GPA33: variants seen among roughly 807,000 people sequenced by gnomAD.
GPA33 encodes the protein glycoprotein A33.
GPA33 carries 27 observed loss-of-function variants against 35.6 expected under a neutral mutation model. The ratio of observed to expected loss-of-function variants is 0.76; its 90% CI spans 0.56 to 1.04. The LOEUF (loss-of-function observed/expected upper bound fraction) is 1.04. Ranked by LOEUF, GPA33 falls within the 50% of genes least tolerant of loss-of-function variation. GPA33 has a pLI of 0.00. For synonymous variants in GPA33, 176 were observed against 164.0 expected, an observed-to-expected ratio of 1.07 and a Z score of -0.56; for missense variants, 428 against 411.9, an observed-to-expected ratio of 1.04 and a Z score of -0.34.
chr1:167,080,052 A>G (rs1489339478), intron 1 of GPA33, among the ~76,000 whole-genome samples: 2 of 152,108 alleles, frequency 1.3e-5, no homozygotes, highest in Non-Finnish European at 2.9e-5. Flanking sequence ...GCTTCCTTGT[A>G]TAGGTTGGCA....
At chr1:167,087,606 G>T (rs1488533496) in intron 1 of GPA33, among the ~76,000 whole-genome samples, 1 of 151,990 alleles carries the variant, frequency 6.6e-6, no homozygotes, top group African/African-American at 2.4e-5. Context: ...ACTCTGTTTA[G>T]AATTGTCAGC....
In GPA33 at chr1:167,055,064, C is replaced by T. The variant is rs1003739926; in HGVS notation, c.739G>A (p.Ala247Thr). The change falls in exon 6 of 7, where the codon GCA (alanine) becomes ACA (threonine). Residue 247 changes from alanine to threonine, a missense_variant. By Grantham distance (58) the Ala-to-Thr change is moderately conservative. Coordinates refer to ENST00000367868, the MANE Select transcript of GPA33 (RefSeq NM_005814.3). ...LYVGIAVGVV[A>T]ALIIIGIIIY... ...ATGATGCCAATGATAATGAGGGCTG[C>T]AACCACGCCCACCGCGATGCCCACA... 26 of 1,613,568 alleles carry T rather than the reference C, an allele frequency of 1.6e-5. No individual in the cohort carries two copies. Among genetic ancestry groups the T allele is most frequent in the Non-Finnish European group, 2.2e-5 (26 of 1,179,904 alleles).
chr1:167,066,804 G>A (rs1334963431), intron 3 of GPA33, among the ~76,000 whole-genome samples: 2 of 152,202 alleles, frequency 1.3e-5, no homozygotes, highest in Non-Finnish European at 2.9e-5. Flanking sequence ...CAGACGTCAG[G>A]GGGCGCCAGA....
intron 3 of GPA33, among the ~76,000 whole-genome samples, chr1:167,066,373 C>T (rs1262034834): frequency 2.0e-5 from 3 of 152,166 alleles, no homozygotes; most frequent in Non-Finnish European, 2.9e-5. Context: ...CTGCTGAAAG[C>T]AAATCCTTAA....
chr1:167,057,059 G>C (rs1049346566), intron 4 of GPA33, among the ~76,000 whole-genome samples: 3 of 151,262 alleles, frequency 2.0e-5, no homozygotes, highest in African/African-American at 7.3e-5. Flanking sequence ...GGTATGGGGG[G>C]TGGTGAATGT....
At chr1:167,084,401 A>G (rs1290686866) in intron 1 of GPA33, among the ~76,000 whole-genome samples, 1 of 152,204 alleles carries the variant, frequency 6.6e-6, no homozygotes, top group African/African-American at 2.4e-5. Context: ...GGGGATAAAG[A>G]GATCAAGGGT....
chr1:167,090,158 G>A, intron 1 of GPA33, 87 bp downstream of exon 1: 1 of 1,022,710 alleles, frequency 9.8e-7, no homozygotes, highest in Non-Finnish European at 1.5e-6. Context: ...CCCTTCCTGG[G>A]AAGGCTCTGA....
At chr1:167,077,798 A>G (rs1409654882) in intron 1 of GPA33, among the ~76,000 whole-genome samples, 3 of 152,250 alleles carry the variant, frequency 2.0e-5, no homozygotes, top group Non-Finnish European at 2.9e-5. Context: ...TATTTTAATT[A>G]CATCTCAATG....
rs1666177230 is a variant in GPA33, at chr1:167,054,163, C to T, written c.*171G>A. On this transcript the variant is annotated 3_prime_UTR_variant, in exon 7 of 7. Transcript: ENST00000367868. ...GAGGTCAGCAGGATCAGCACAGGGA[C>T]CCCCTTACCAGGCCAGCCATGTTCC... 1 of 805,342 alleles carries T rather than the reference C, an allele frequency of 1.2e-6. No homozygotes were observed. The highest frequency in any genetic ancestry group is 1.9e-6 in the Non-Finnish European group (1 of 513,586). 49.9% of individuals were successfully genotyped at this position (805,342 alleles called of 1,614,324 possible).
intron 3 of GPA33, 71 bp from the exon 4 acceptor site, chr1:167,063,808 C>T: frequency 8.6e-7 from 1 of 1,169,220 alleles, no homozygotes; most frequent in Non-Finnish European, 1.3e-6. Flanking sequence ...CACCCCTCCC[C>T]ACCCACCCCC....
chr1:167,090,147 G>A, intron 1 of GPA33, 98 bp downstream of exon 1: 1 of 882,040 alleles, frequency 1.1e-6, no homozygotes, highest in East Asian at 2.5e-5. Flanking sequence ...GTTGCTGGAG[G>A]CCCTTCCTGG....
At chr1:167,084,957 G>A (rs550791541) in intron 1 of GPA33, among the ~76,000 whole-genome samples, 162 of 152,318 alleles carry the variant, frequency 1.1e-3, no homozygotes, top group African/African-American at 3.7e-3. Context: ...TTGAGAGAGA[G>A]CTCACTGGGA....
intron 4 of GPA33, among the ~76,000 whole-genome samples, chr1:167,056,656 TG>T (rs1666275110): frequency 8.3e-5 from 2 of 23,972 alleles, no homozygotes; most frequent in African/African-American, 3.0e-4. Context: ...GTAGTGTGTG[TG>T]GTACGGTGAG....
intron 1 of GPA33, among the ~76,000 whole-genome samples, chr1:167,076,412 G>A (rs1455856543): frequency 6.6e-6 from 1 of 152,128 alleles, no homozygotes; most frequent in Non-Finnish European, 1.5e-5. Context: ...TTCCCATGAT[G>A]AGGCTGCAGC....
intron 1 of GPA33, among the ~76,000 whole-genome samples, chr1:167,076,180 T>C (rs1666820267): frequency 6.6e-6 from 1 of 152,152 alleles, no homozygotes; most frequent in Non-Finnish European, 1.5e-5. Flanking sequence ...ATTTAAAAAA[T>C]AATACTTTTA....
At position 167,087,546 on chromosome 1, in the gene GPA33, G is replaced by A. The variant is rs182727792; in HGVS notation, c.43+2699C>T. 4.3e-4 allele frequency among the ~76,000 whole-genome samples: 66 copies of A among 152,294 alleles called. 1 individual carries two copies. The Middle Eastern group carries it at 0.014, about 32-fold the overall frequency. On this transcript the variant is annotated intron_variant, in intron 1 of 6. Coordinates refer to ENST00000367868, the MANE Select transcript of GPA33 (RefSeq NM_005814.3). ...CCCCTGGGATGGCAGTGGAGTGTTA[G>A]GAGGGACGGGTGGAACATTTCCCAG...
intron 5 of GPA33, 114 bp downstream of exon 5, chr1:167,055,616 G>T: frequency 8.7e-7 from 1 of 1,148,190 alleles, no homozygotes; most frequent in Non-Finnish European, 1.3e-6. Flanking sequence ...CTGCAGGTGC[G>T]TGGCCCTAGA....
intron 2 of GPA33, among the ~76,000 whole-genome samples, chr1:167,072,906 G>A (rs907410824): frequency 6.6e-6 from 1 of 151,920 alleles, no homozygotes; most frequent in African/African-American, 2.4e-5. Flanking sequence ...GAAGAGGGTG[G>A]GTGAGACAGG....
At chr1:167,089,761 G>A (rs1667119909) in intron 1 of GPA33, among the ~76,000 whole-genome samples, 1 of 152,052 alleles carries the variant, frequency 6.6e-6, no homozygotes. Context: ...TTTGTTGTTT[G>A]TTTTTAGGGT....
Sources: allele counts gnomAD v4.1 joint callset (sites outside exome capture counted in the v4.1 genomes callset), GRCh38; gene constraint gnomAD v4.1.1; transcripts MANE v1.5; gene names NCBI Gene and HGNC (gene_info 2026-07-23, HGNC 2026-07-21).